Variants in PACRG observed in about 807,000 individuals in gnomAD.
PACRG encodes parkin coregulated gene protein.
PACRG carries 29 observed loss-of-function variants against 29.7 expected under a neutral mutation model. The observed-to-expected ratio is 0.98, with a 90% CI of 0.73 to 1.33. The LOEUF is 1.33. Among genes scored for constraint, PACRG ranks in the 40% most tolerant of loss-of-function variants. The pLI, the probability that PACRG is intolerant of heterozygous loss-of-function variation, is 0.00. For synonymous variants in PACRG, 116 were observed against 118.7 expected (o/e 0.98, Z 0.15); for missense variants, 279 against 316.2 (o/e 0.88, Z 0.89).
Position 162,978,507 on chromosome 6 carries a change from A to G in PACRG, c.292-83643A>G, listed in dbSNP as rs144218866. Among the ~76,000 whole-genome samples, 194 of 152,244 alleles carry G rather than the reference A, an allele frequency of 1.3e-3. 1 individual carries two copies. The highest frequency in any genetic ancestry group is 4.3e-3 in the African/African-American group (178 of 41,554). ...ATACACACACACACACATTGTAGAC[A>G]TAATTCTATATGGTGTGAGGATTAA... is the stretch of plus-strand genomic sequence containing the variant. On this transcript the variant is annotated intron_variant, in intron 2 of 4. Transcript: ENST00000366888.
chr6:163,140,479 G>C lies in PACRG; in HGVS notation c.613+51071G>C, dbSNP rs553028384. On this transcript the variant is annotated intron_variant, in intron 4 of 4. Transcript: ENST00000366888. ...AATAGAAATAAAATAAAAATCTGCT[G>C]CCAATGCCATCTGCTGCTGGACTGG... 5.9e-5 allele frequency among the ~76,000 whole-genome samples: 9 copies of C among 152,310 alleles called. No individual in the cohort carries two copies. In the South Asian group the frequency reaches 1.4e-3, roughly 25 times the overall value.
In PACRG at chr6:162,727,986, G is replaced by A; in HGVS notation, c.-250G>A. ...GTGTTGACCAGTCGCTTAGCAACCG[G>A]GAGGCTTACCTTTGGAAGCTTGTTG... On this transcript the variant is annotated 5_prime_UTR_variant, in exon 1 of 5. Transcript: ENST00000366888. The A allele has an allele frequency of 1.6e-6, 1 of 610,566 alleles. No homozygotes were observed. The highest frequency in any genetic ancestry group is 2.0e-5 in the South Asian group (1 of 50,674). 37.8% of individuals were successfully genotyped at this position (610,566 alleles called of 1,614,324 possible).
intron 4 of PACRG, among the ~76,000 whole-genome samples, chr6:163,095,683 C>CT (rs957734994): frequency 2.0e-4 from 31 of 152,164 alleles, no homozygotes; most frequent in Admixed American, 5.2e-4. Flanking sequence ...TTCATGTGGC[C>CT]TTTTTTCCTG....
intron 4 of PACRG, among the ~76,000 whole-genome samples, chr6:163,194,613 G>A (rs188044358): frequency 4.7e-4 from 72 of 152,304 alleles, no homozygotes; most frequent in African/African-American, 1.7e-3. Context: ...CGGGGTGTCC[G>A]AGGTGTTTGT....
intron 4 of PACRG, among the ~76,000 whole-genome samples, chr6:163,205,583 T>C (rs1780869712): frequency 6.6e-6 from 1 of 152,152 alleles, no homozygotes; most frequent in African/African-American, 2.4e-5. Context: ...AATACTTAAA[T>C]GTAAAACCTA....
In PACRG at chr6:162,914,230, G is replaced by A. The variant is rs372708085; in HGVS notation, c.291+99949G>A. ...TATGATCAATTTTTAGTTAGTTTGT[G>A]TATGTGTTATGAGGTATAAATTGTC... On this transcript the variant is annotated intron_variant, in intron 2 of 4. Coordinates refer to ENST00000366888, the MANE Select transcript of PACRG (RefSeq NM_001080379.2). 8.1e-4 allele frequency among the ~76,000 whole-genome samples: 123 copies of A among 152,162 alleles called. 4 individuals are homozygous for A. Among genetic ancestry groups the A allele is most frequent in the African/African-American group, 2.6e-3 (109 of 41,542 alleles).
At chr6:163,312,440 A>G (rs977477626) in intron 4 of PACRG, among the ~76,000 whole-genome samples, 2 of 152,048 alleles carry the variant, frequency 1.3e-5, no homozygotes, top group Non-Finnish European at 2.9e-5. Flanking sequence ...GCAAATGTCA[A>G]CAACGCCTCC....
chr6:162,943,301 C>A (rs916654026), intron 2 of PACRG, among the ~76,000 whole-genome samples: 3 of 152,184 alleles, frequency 2.0e-5, no homozygotes, highest in African/African-American at 7.2e-5. Flanking sequence ...TTGATATCCC[C>A]CATCCATAGC....
chr6:163,129,317 ATTGTCGT>A (rs1816639275), intron 4 of PACRG, among the ~76,000 whole-genome samples: 1 of 152,206 alleles, frequency 6.6e-6, no homozygotes, highest in African/African-American at 2.4e-5. Flanking sequence ...GTCACAGGAC[ATTGTCGT>A]TTTTTAGGTG....
intron 2 of PACRG, among the ~76,000 whole-genome samples, chr6:162,879,089 A>G (rs770421395): frequency 1.3e-5 from 2 of 152,172 alleles, no homozygotes; most frequent in Non-Finnish European, 2.9e-5. Context: ...AAAGCTTCTC[A>G]GTTTATATGA....
At chr6:163,267,679 A>G (rs2128177941) in intron 4 of PACRG, among the ~76,000 whole-genome samples, 1 of 152,354 alleles carries the variant, frequency 6.6e-6, no homozygotes, top group Non-Finnish European at 1.5e-5. Flanking sequence ...CTTCTAACCT[A>G]TTCTAAGGTG....
intron 4 of PACRG, among the ~76,000 whole-genome samples, chr6:163,102,435 G>A (rs1815149512): frequency 6.6e-6 from 1 of 152,190 alleles, no homozygotes; most frequent in Admixed American, 6.5e-5. Context: ...CTGCAGAAGA[G>A]TAGGAATGTC....
chr6:163,014,518 ATT>A (rs34466517), intron 2 of PACRG, among the ~76,000 whole-genome samples: 89,834 of 150,370 alleles, frequency 0.6, 27,851 homozygotes, highest in East Asian at 0.96. Context: ...GCCAACATGT[ATT>A]TTTTTTTTTT....
intron 4 of PACRG, among the ~76,000 whole-genome samples, chr6:163,135,596 CAA>C (rs1816902603): frequency 6.6e-6 from 1 of 152,184 alleles, no homozygotes; most frequent in Admixed American, 6.5e-5. Context: ...TTATTATAAA[CAA>C]TGATTCGGGA....
At chr6:162,842,764 C>T (rs1302975171) in intron 2 of PACRG, among the ~76,000 whole-genome samples, 2 of 130,222 alleles carry the variant, frequency 1.5e-5, no homozygotes, top group Non-Finnish European at 3.1e-5. Flanking sequence ...TTAGTGCTTC[C>T]TTCAGGAGCT....
chr6:162,877,321 A>G (rs1793445372), intron 2 of PACRG, among the ~76,000 whole-genome samples: 1 of 152,298 alleles, frequency 6.6e-6, no homozygotes, highest in Non-Finnish European at 1.5e-5. Context: ...CATTCTCAGC[A>G]AACTAACACA....
chr6:162,997,119 A>G (rs556597891), intron 2 of PACRG, among the ~76,000 whole-genome samples: 1 of 152,220 alleles, frequency 6.6e-6, no homozygotes, highest in African/African-American at 2.4e-5. Flanking sequence ...AATTGGTTTG[A>G]TAAAGATAAA....
intron 4 of PACRG, among the ~76,000 whole-genome samples, chr6:163,145,919 C>G (rs1183217311): frequency 6.6e-6 from 1 of 152,150 alleles, no homozygotes. Flanking sequence ...GGAGAGAGAG[C>G]TGCTGGCTCT....
At chr6:162,954,260 C>G (rs1354569341) in intron 2 of PACRG, among the ~76,000 whole-genome samples, 1 of 152,096 alleles carries the variant, frequency 6.6e-6, no homozygotes, top group Non-Finnish European at 1.5e-5. Context: ...TTTTTAGTTG[C>G]ATTAGAAAAC....
Sources: gnomAD v4.1 joint callset for allele counts (sites outside exome capture counted in the v4.1 genomes callset) on GRCh38, gnomAD v4.1.1 for gene constraint, MANE v1.5 for transcripts, NCBI Gene and HGNC (gene_info 2026-07-23, HGNC 2026-07-21) for gene names.